The following BBS4 variants were observed in gnomAD, a reference collection of about 807,000 sequenced individuals.
BBS4 encodes the protein BBSome complex member BBS4.
In BBS4, 58 loss-of-function variants were observed where a neutral mutation model predicts 71.4. That is an observed-to-expected ratio of 0.81 (90% CI 0.66 to 1.01). The LOEUF is 1.01. Among genes scored for constraint, BBS4 ranks in the 50% least tolerant of loss-of-function variants. The pLI is 0.00. For synonymous variants in BBS4, 228 were observed against 216.8 expected (o/e 1.05, Z -0.46); for missense variants, 660 against 607.9 (o/e 1.09, Z -0.90).
intron 9 of BBS4, among the ~76,000 whole-genome samples, chr15:72,729,346 G>A (rs2065766494): frequency 6.6e-6 from 1 of 150,428 alleles, no homozygotes. Flanking sequence ...TGCCTCCTGG[G>A]TTCAAGCGAT....
intron 6 of BBS4, among the ~76,000 whole-genome samples, chr15:72,720,752 C>A (rs1285170918): frequency 6.6e-6 from 1 of 152,160 alleles, no homozygotes; most frequent in Non-Finnish European, 1.5e-5. Context: ...ATCTAAGATT[C>A]CTCGTCTTAA....
In BBS4 at chr15:72,722,816, T is replaced by G; in HGVS notation, c.428T>G (p.Val143Gly). 1.2e-6 allele frequency: 2 copies of G among 1,613,930 alleles called. No individual in the cohort carries two copies. The highest frequency in any genetic ancestry group is 1.7e-6 in the Non-Finnish European group (2 of 1,179,922). Residue 143 changes from valine (V) to glycine (G), a missense_variant, in exon 7 of 16, where the codon GTT (valine) becomes GGT (glycine). Transcript: ENST00000268057. ...KDWEISHNLGVCYIYLKQFNK... is the reference protein window; with the variant it reads ...KDWEISHNLGGCYIYLKQFNK... ...TAGGAGATCAGCCATAACCTAGGAG[T>G]TTGCTACATATACCTGAAGCAGTTC...
intron 1 of BBS4, among the ~76,000 whole-genome samples, chr15:72,693,104 A>G (rs970561024): frequency 3.3e-5 from 5 of 152,230 alleles, no homozygotes; most frequent in African/African-American, 1.2e-4. Context: ...TTGCTACTAC[A>G]GGGACCATCA....
At chr15:72,730,012 C>T (rs1245718317) in intron 10 of BBS4, among the ~76,000 whole-genome samples, 3 of 152,150 alleles carry the variant, frequency 2.0e-5, no homozygotes, top group African/African-American at 7.2e-5. Flanking sequence ...CGCGGTGGCT[C>T]ACGCCTGTAA....
intron 2 of BBS4, among the ~76,000 whole-genome samples, chr15:72,707,177 CTTTTCTT>C (rs780205205): frequency 1.2e-3 from 164 of 132,420 alleles, no homozygotes; most frequent in African/African-American, 2.8e-3. Flanking sequence ...TTCCTTTTTT[CTTTTCTT>C]TTTTTTTTTT....
At chr15:72,703,871 G>C (rs575212574) in intron 2 of BBS4, among the ~76,000 whole-genome samples, 5 of 152,228 alleles carry the variant, frequency 3.3e-5, no homozygotes, top group African/African-American at 1.2e-4. Context: ...ACTATCCCTA[G>C]CATTAATCAA....
rs2065469384 is a variant in BBS4 at position 72,716,404 on chromosome 15, G to C, written c.333-374G>C. Among the ~76,000 whole-genome samples, 4 of 152,150 alleles carry C rather than the reference G, an allele frequency of 2.6e-5. No homozygotes were observed. In the South Asian group the frequency reaches 8.3e-4, roughly 32 times the overall value. On this transcript the variant is annotated intron_variant, in intron 5 of 15. Coordinates refer to ENST00000268057, the MANE Select transcript of BBS4 (RefSeq NM_033028.5). Reference sequence around the variant, plus strand: ...ATATCAAGGAAAGAGACTTAGTCTTGGAAGGAAAGGATGTGTCCCTAATGG... The same window carrying C: ...ATATCAAGGAAAGAGACTTAGTCTTCGAAGGAAAGGATGTGTCCCTAATGG...
intron 1 of BBS4, among the ~76,000 whole-genome samples, chr15:72,688,046 CAAA>C (rs199931617): frequency 5.9e-5 from 5 of 84,890 alleles, no homozygotes; most frequent in South Asian, 4.4e-4. Context: ...GACTCCGTCT[CAAA>C]AAAAAAAAAA....
At chr15:72,688,683 G>A (rs1184512080) in intron 1 of BBS4, among the ~76,000 whole-genome samples, 2 of 152,244 alleles carry the variant, frequency 1.3e-5, no homozygotes, top group African/African-American at 2.4e-5. Flanking sequence ...GATTACAGGC[G>A]TGAGCCATGG....
At chr15:72,714,224 T>G (rs2065428366) in intron 4 of BBS4, among the ~76,000 whole-genome samples, 1 of 143,018 alleles carries the variant, frequency 7.0e-6, no homozygotes, top group African/African-American at 2.6e-5. Context: ...CACTTACTTT[T>G]TTTTTTTTTT....
At chr15:72,735,582 C>G in intron 13 of BBS4, 1 of 586,774 alleles carries the variant, frequency 1.7e-6, no homozygotes, top group South Asian at 1.9e-5. Context: ...TCAACCCTGG[C>G]CTAGGTAGTC....
intron 7 of BBS4, among the ~76,000 whole-genome samples, chr15:72,723,419 A>G (rs12372979): frequency 6.6e-6 from 1 of 152,184 alleles, no homozygotes. Context: ...GAAAAAGTAT[A>G]TATCATAATT....
At chr15:72,733,263 C>T (rs35670882) in intron 12 of BBS4, among the ~76,000 whole-genome samples, 1 of 152,036 alleles carries the variant, frequency 6.6e-6, no homozygotes, top group East Asian at 1.9e-4. Context: ...GGAGTACAGC[C>T]TGGGCAACAC....
chr15:72,692,175 A>G (rs902756805), intron 1 of BBS4, among the ~76,000 whole-genome samples: 38 of 152,222 alleles, frequency 2.5e-4, no homozygotes, highest in African/African-American at 9.2e-4. Flanking sequence ...ATACCTAGAA[A>G]TAGATTGCTA....
intron 2 of BBS4, among the ~76,000 whole-genome samples, chr15:72,703,313 T>C (rs905035064): frequency 2.6e-5 from 4 of 152,208 alleles, no homozygotes; most frequent in African/African-American, 9.6e-5. Context: ...CCATTCCCTG[T>C]TGGGCCTCTC....
intron 10 of BBS4, among the ~76,000 whole-genome samples, chr15:72,729,956 T>G (rs1234905138): frequency 6.6e-6 from 1 of 152,114 alleles, no homozygotes. Context: ...CTTAGGAAAT[T>G]AGCAATGCCT....
chr15:72,689,725 A>ACAAAAG (rs2064947333), intron 1 of BBS4, among the ~76,000 whole-genome samples: 1 of 150,912 alleles, frequency 6.6e-6, no homozygotes. Context: ...TCTGAAAAAA[A>ACAAAAG]CAAAAAATGA....
intron 2 of BBS4, among the ~76,000 whole-genome samples, chr15:72,706,595 GA>G (rs2065268426): frequency 6.6e-6 from 1 of 152,158 alleles, no homozygotes. Flanking sequence ...CCTAGGGGAA[GA>G]AAAGAAAGGA....
chr15:72,706,274 T>A (rs918472728), intron 2 of BBS4, among the ~76,000 whole-genome samples: 1 of 152,066 alleles, frequency 6.6e-6, no homozygotes, highest in African/African-American at 2.4e-5. Context: ...GTAGCTGGGA[T>A]TATAGGTGCC....
Sources: allele counts gnomAD v4.1 joint callset (sites outside exome capture counted in the v4.1 genomes callset), GRCh38; gene constraint gnomAD v4.1.1; transcripts MANE v1.5; gene names NCBI Gene and HGNC (gene_info 2026-07-23, HGNC 2026-07-21).